The following ELMO1 variants were observed in gnomAD, a reference collection of about 807,000 sequenced individuals.
The protein encoded by ELMO1 is engulfment and cell motility protein 1.
ELMO1 carries 26 observed loss-of-function variants against 98.9 expected under a neutral mutation model. The observed-to-expected ratio is 0.26, with a 90% confidence interval of 0.19 to 0.36. The LOEUF is 0.36. Among genes scored for constraint, ELMO1 ranks in the 10% least tolerant of loss-of-function variants. ELMO1 has a pLI of 1.00. For missense variants in ELMO1, 627 were observed against 935.2 expected (o/e 0.67, Z 4.30); for synonymous variants, 346 against 346.0 (o/e 1.00, Z 0.00).
intron 15 of ELMO1, 62 bp from the exon 16 acceptor site, chr7:37,013,497 A>C: frequency 1.3e-6 from 2 of 1,567,344 alleles, no homozygotes; most frequent in Non-Finnish European, 1.7e-6. Context: ...CGAGAACATA[A>C]CCACAGGTAT....
chr7:37,079,938 A>T (rs956590002), intron 15 of ELMO1, among the ~76,000 whole-genome samples: 1 of 151,986 alleles, frequency 6.6e-6, no homozygotes, highest in Non-Finnish European at 1.5e-5. Flanking sequence ...CATCCCCTAA[A>T]CTCCAGACAC....
intron 2 of ELMO1, among the ~76,000 whole-genome samples, chr7:37,324,618 G>A (rs758812283): frequency 6.6e-5 from 10 of 152,094 alleles, no homozygotes; most frequent in Admixed American, 2.0e-4. Context: ...GTCTCACTCC[G>A]TCACAAAGGC....
chr7:37,212,720 C>T lies in ELMO1; in HGVS notation c.954+615G>A, dbSNP rs116955407. ...AGTGTTTTCCTTTCCAAAGCTGCAG[C>T]GCTGTTTAAGTTGAAAATGTGCTAC... On this transcript the variant is annotated intron_variant, in intron 12 of 21. Transcript: ENST00000310758. Among the ~76,000 whole-genome samples the T allele has an allele frequency of 2.8e-3, 430 of 152,330 alleles. 3 individuals carry two copies. The highest frequency in any genetic ancestry group is 3.9e-3 in the Non-Finnish European group (262 of 68,030).
intron 16 of ELMO1, among the ~76,000 whole-genome samples, chr7:37,003,842 C>T (rs908995301): frequency 6.6e-6 from 1 of 152,088 alleles, no homozygotes; most frequent in African/African-American, 2.4e-5. Context: ...AGCTTCTGAT[C>T]CCACTCTCTC....
At chr7:37,424,059 G>A (rs886557221) in intron 1 of ELMO1, among the ~76,000 whole-genome samples, 2 of 152,176 alleles carry the variant, frequency 1.3e-5, no homozygotes, top group Admixed American at 1.3e-4. Flanking sequence ...TCAAGGTCCA[G>A]TGGGGCACTT....
At chr7:37,003,881 G>A (rs1472750773) in intron 16 of ELMO1, among the ~76,000 whole-genome samples, 1 of 151,982 alleles carries the variant, frequency 6.6e-6, no homozygotes, top group African/African-American at 2.4e-5. Flanking sequence ...ATCTTGTCTA[G>A]GGCCCCTTGT....
At chr7:37,070,466 C>A (rs1209008502) in intron 15 of ELMO1, among the ~76,000 whole-genome samples, 1 of 152,114 alleles carries the variant, frequency 6.6e-6, no homozygotes, top group Non-Finnish European at 1.5e-5. Flanking sequence ...AATATTGCAC[C>A]CTTTCTTGAT....
chr7:36,995,469 C>T (rs939377250), intron 16 of ELMO1, among the ~76,000 whole-genome samples: 2 of 151,464 alleles, frequency 1.3e-5, no homozygotes, highest in African/African-American at 4.9e-5. Flanking sequence ...GATCACGCCA[C>T]TGCACTCTAC....
intron 13 of ELMO1, among the ~76,000 whole-genome samples, chr7:37,144,926 A>C (rs1346154929): frequency 2.0e-5 from 3 of 152,202 alleles, no homozygotes; most frequent in African/African-American, 7.2e-5. Flanking sequence ...TAAGACAGAA[A>C]ATCTCTAAAC....
upstream of ELMO1, chr7:37,449,278 C>T (rs764503284): frequency 6.6e-6 from 1 of 152,138 alleles, no homozygotes; most frequent in Non-Finnish European, 1.5e-5. Context: ...GCGCCATCTC[C>T]GGGAGGCCAA....
chr7:36,914,516 C>CTT (rs71734817), intron 16 of ELMO1, among the ~76,000 whole-genome samples: 9 of 129,984 alleles, frequency 6.9e-5, no homozygotes, highest in Admixed American at 1.7e-4. Flanking sequence ...AATGTACATT[C>CTT]TTTTTTTTTT....
At chr7:37,174,685 A>G (rs934254490) in intron 13 of ELMO1, among the ~76,000 whole-genome samples, 2 of 152,176 alleles carry the variant, frequency 1.3e-5, no homozygotes, top group African/African-American at 4.8e-5. Flanking sequence ...GCACCAGTAC[A>G]TGATGTTATT....
At chr7:37,430,924 G>A (rs995992684) in intron 1 of ELMO1, among the ~76,000 whole-genome samples, 2 of 151,264 alleles carry the variant, frequency 1.3e-5, no homozygotes, top group African/African-American at 4.9e-5. Flanking sequence ...AGGCAGCTCA[G>A]GGAAGTGTCT....
intron 7 of ELMO1, among the ~76,000 whole-genome samples, chr7:37,240,995 A>G (rs1794738492): frequency 2.0e-5 from 3 of 152,172 alleles, no homozygotes; most frequent in Non-Finnish European, 4.4e-5. Context: ...GTGTTGATCA[A>G]ATCATCTATA....
intron 16 of ELMO1, among the ~76,000 whole-genome samples, chr7:36,980,273 AT>A (rs2129142776): frequency 6.6e-6 from 1 of 152,352 alleles, no homozygotes; most frequent in Non-Finnish European, 1.5e-5. Flanking sequence ...GGGATGAAAA[AT>A]CAGTTTCAGC....
intron 13 of ELMO1, among the ~76,000 whole-genome samples, chr7:37,134,523 C>T (rs908932922): frequency 2.0e-5 from 3 of 147,316 alleles, no homozygotes; most frequent in African/African-American, 5.1e-5. Context: ...CACGCCATTG[C>T]ACTCCAGCCT....
At chr7:37,256,536 A>C (rs1795654606) in intron 6 of ELMO1, among the ~76,000 whole-genome samples, 1 of 129,972 alleles carries the variant, frequency 7.7e-6, no homozygotes, top group Non-Finnish European at 1.6e-5. Flanking sequence ...GGAAGGAAGG[A>C]AGGAAAGAAG....
At position 37,150,407 on chromosome 7, in the gene ELMO1, A is replaced by ACCGTCC; in HGVS notation, c.1087-17179_1087-17174dup. On this transcript the variant is annotated intron_variant, in intron 13 of 21. Transcript: ENST00000310758. Reference sequence around the variant, plus strand: ...ATCAGTGTGTTGACATTTGAACCCAACCGTCCAGAGTCCACGTACTTAACT... The same window carrying ACCGTCC: ...ATCAGTGTGTTGACATTTGAACCCAACCGTCCCCGTCCAGAGTCCACGTACTTAACT... Among the ~76,000 whole-genome samples, 4 of 150,084 alleles carry ACCGTCC rather than the reference A, an allele frequency of 2.7e-5. No individual in the cohort carries two copies. The Middle Eastern group carries it at 0.014, about 514-fold the overall frequency.
intron 16 of ELMO1, among the ~76,000 whole-genome samples, chr7:36,952,964 C>CTTTTTTTT (rs70980904): frequency 6.0e-5 from 5 of 82,880 alleles, no homozygotes; most frequent in Non-Finnish European, 7.0e-5. Flanking sequence ...AGTCACTACT[C>CTTTTTTTT]TTTTTTTTTT....
Sources: allele counts gnomAD v4.1 joint callset (sites outside exome capture counted in the v4.1 genomes callset), GRCh38; gene constraint gnomAD v4.1.1; transcripts MANE v1.5; gene names NCBI Gene and HGNC (gene_info 2026-07-23, HGNC 2026-07-21).